NFIB: variants seen among roughly 807,000 people sequenced by gnomAD.
NFIB encodes the protein nuclear factor I B.
NFIB carries 11 observed loss-of-function variants against 61.5 expected under a neutral mutation model. The observed-to-expected ratio is 0.18, with a 90% CI of 0.11 to 0.30. The LOEUF (loss-of-function observed/expected upper bound fraction) is 0.30. Among genes scored for constraint, NFIB ranks in the 10% least tolerant of loss-of-function variants. The pLI, the probability that NFIB is intolerant of heterozygous loss-of-function variation, is 1.00. For missense variants in NFIB, 471 were observed against 608.9 expected, an observed-to-expected ratio of 0.77 and a Z score of 2.38; for synonymous variants, 260 against 216.5, an observed-to-expected ratio of 1.20 and a Z score of -1.76.
chr9:14,244,669 C>A (rs1216707010), intron 2 of NFIB, among the ~76,000 whole-genome samples: 1 of 152,110 alleles, frequency 6.6e-6, no homozygotes, highest in Non-Finnish European at 1.5e-5. Context: ...AAATTACTGA[C>A]CTCTCTGAAT....
At chr9:14,509,935 C>T in the NFIB span, among the ~76,000 whole-genome samples, 5 of 152,166 alleles carry the variant, frequency 3.3e-5, no homozygotes, top group African/African-American at 7.2e-5. Flanking sequence ...CTCGCTCTGT[C>T]GCCCAGGCTG....
the NFIB span, among the ~76,000 whole-genome samples, chr9:14,495,446 C>CTTTTTTTTTTTTTTTTT: frequency 2.8e-3 from 327 of 117,184 alleles, 20 homozygotes; most frequent in African/African-American, 6.2e-3. Flanking sequence ...GAGAAATGAA[C>CTTTTTTTTTTTTTTTTT]TTTTTTTTTT....
chr9:14,090,578 T>A (rs7849675), intron 10 of NFIB, among the ~76,000 whole-genome samples: 2 of 152,046 alleles, frequency 1.3e-5, no homozygotes, highest in African/African-American at 4.8e-5. Flanking sequence ...AGTCTGAGCA[T>A]AGCTGGTGCT....
intron 10 of NFIB, chr9:14,102,294 G>A: frequency 1.4e-6 from 1 of 736,248 alleles, no homozygotes; most frequent in Non-Finnish European, 2.2e-6. Context: ...GACAGGGAAA[G>A]AAGAATGGCA....
At chr9:14,530,892 G>A in the NFIB span, among the ~76,000 whole-genome samples, 1 of 151,614 alleles carries the variant, frequency 6.6e-6, no homozygotes, top group Non-Finnish European at 1.5e-5. Flanking sequence ...GAAAAGGAAA[G>A]GGGCAAAAAG....
At chr9:14,125,496 G>A (rs767731177) in intron 7 of NFIB, 136 bp downstream of exon 7, 26 of 1,217,504 alleles carry the variant, frequency 2.1e-5, no homozygotes, top group East Asian at 7.2e-5. Flanking sequence ...ATACTTGATC[G>A]GATTGTGCCC....
At chr9:14,193,025 T>A (rs2048118661) in intron 2 of NFIB, among the ~76,000 whole-genome samples, 2 of 151,680 alleles carry the variant, frequency 1.3e-5, no homozygotes, top group South Asian at 2.1e-4. Context: ...TCTCATCTTT[T>A]AAAAAAAAGA....
At chr9:14,166,422 C>G (rs1209663667) in intron 3 of NFIB, among the ~76,000 whole-genome samples, 1 of 152,128 alleles carries the variant, frequency 6.6e-6, no homozygotes. Flanking sequence ...TTCAAGTATT[C>G]TCCCACTGTC....
intron 8 of NFIB, among the ~76,000 whole-genome samples, chr9:14,119,322 A>G (rs1338387750): frequency 6.6e-6 from 1 of 152,218 alleles, no homozygotes; most frequent in Non-Finnish European, 1.5e-5. Context: ...AATACAAATA[A>G]TAATTTTAAC....
chr9:14,363,552 TA>T (rs371816181), intron 1 of NFIB, among the ~76,000 whole-genome samples: 9 of 152,204 alleles, frequency 5.9e-5, no homozygotes, highest in African/African-American at 1.7e-4. Context: ...TAGAAACATT[TA>T]TTTTTTTCTG....
intron 10 of NFIB, among the ~76,000 whole-genome samples, chr9:14,111,311 T>C (rs761761864): frequency 6.6e-6 from 1 of 152,158 alleles, no homozygotes; most frequent in Non-Finnish European, 1.5e-5. Flanking sequence ...ACATTTATCA[T>C]AAGGGATAAG....
At chr9:14,111,930 G>T (rs2037439491) in intron 10 of NFIB, among the ~76,000 whole-genome samples, 1 of 152,122 alleles carries the variant, frequency 6.6e-6, no homozygotes, top group Non-Finnish European at 1.5e-5. Context: ...GCTGCAACTG[G>T]AAAGGACTTG....
chr9:14,248,318 C>T (rs988032283), intron 2 of NFIB, among the ~76,000 whole-genome samples: 1 of 151,214 alleles, frequency 6.6e-6, no homozygotes, highest in African/African-American at 2.4e-5. Context: ...CCTCCCCTCC[C>T]TTCCTTCCTT....
At chr9:14,266,773 C>G (rs533184166) in intron 2 of NFIB, among the ~76,000 whole-genome samples, 7 of 152,222 alleles carry the variant, frequency 4.6e-5, no homozygotes, top group African/African-American at 1.4e-4. Context: ...TCTTTTTCCT[C>G]AATATCTCCA....
Position 14,313,434 on chromosome 9 carries a change from G to A in NFIB, c.30+48C>T. On this transcript the variant is annotated intron_variant, in intron 1 of 10. Coordinates refer to ENST00000380953, the MANE Select transcript of NFIB (RefSeq NM_001190737.2). The surrounding 1 kb of genome is among the most constrained non-coding windows in gnomAD (Gnocchi z 4.5). ...TTGTCCGCAACAAAACAAAACAAAGGCATTTCGGGCCAGAGAGAAAGCTCG... is the reference window on the plus strand; with the variant it reads ...TTGTCCGCAACAAAACAAAACAAAGACATTTCGGGCCAGAGAGAAAGCTCG... The A allele has an allele frequency of 1.2e-6, 2 of 1,612,552 alleles. No homozygotes were observed. Among genetic ancestry groups the A allele is most frequent in the Non-Finnish European group, 1.7e-6 (2 of 1,179,050 alleles).
intron 3 of NFIB, among the ~76,000 whole-genome samples, chr9:14,160,593 A>G (rs1277221726): frequency 6.6e-6 from 1 of 152,198 alleles, no homozygotes; most frequent in Non-Finnish European, 1.5e-5. Context: ...CAATGGGAAC[A>G]GGCCTAAAAA....
At chr9:14,123,925 G>A (rs186669007) in intron 7 of NFIB, among the ~76,000 whole-genome samples, 1 of 152,026 alleles carries the variant, frequency 6.6e-6, no homozygotes, top group African/African-American at 2.4e-5. Flanking sequence ...CCTTCTTGTG[G>A]TGAACTTTGC....
At chr9:14,089,273 T>G (rs550019325) in intron 10 of NFIB, among the ~76,000 whole-genome samples, 1 of 151,330 alleles carries the variant, frequency 6.6e-6, no homozygotes, top group Non-Finnish European at 1.5e-5. Flanking sequence ...GATGGCGGGT[T>G]GGGGGTTGGG....
At chr9:14,146,654 C>T (rs1177061361) in intron 6 of NFIB, 35 bp downstream of exon 6, 2 of 1,612,358 alleles carry the variant, frequency 1.2e-6, no homozygotes, top group South Asian at 2.2e-5. Context: ...CAACATTTTA[C>T]TCATGGTCTC....
Sources: gnomAD v4.1 joint callset for allele counts (sites outside exome capture counted in the v4.1 genomes callset) on GRCh38, gnomAD v4.1.1 for gene constraint, Gnocchi (gnomAD v3.1) non-coding constraint, MANE v1.5 for transcripts, NCBI Gene and HGNC (gene_info 2026-07-23, HGNC 2026-07-21) for gene names.